Variants in EPB41L1 observed in about 807,000 individuals in gnomAD.
EPB41L1 encodes the protein erythrocyte membrane protein band 4.1 like 1.
EPB41L1 carries 29 observed loss-of-function variants against 97.8 expected under a neutral mutation model. The observed-to-expected ratio is 0.30, with a 90% CI of 0.22 to 0.40. The LOEUF is 0.40. EPB41L1 is among the 10% of genes least tolerant of loss of function. EPB41L1 has a pLI of 1.00. For synonymous variants in EPB41L1, 383 were observed against 459.2 expected (o/e 0.83, Z 2.12); for missense variants, 812 against 1,162.3 (o/e 0.70, Z 4.38).
intron 1 of EPB41L1, among the ~76,000 whole-genome samples, chr20:36,106,936 G>C (rs2058210424): frequency 6.6e-6 from 1 of 152,008 alleles, no homozygotes; most frequent in Non-Finnish European, 1.5e-5. Context: ...TGGAATAGTT[G>C]GGATTACAGG....
At chr20:36,199,677 C>T (rs1164697380) in intron 14 of EPB41L1, among the ~76,000 whole-genome samples, 1 of 152,228 alleles carries the variant, frequency 6.6e-6, no homozygotes, top group East Asian at 1.9e-4. Flanking sequence ...AAGCAAGACC[C>T]TGGGCTGGGT....
At chr20:36,096,983 G>C (rs182238189) in intron 1 of EPB41L1, among the ~76,000 whole-genome samples, 177 of 152,308 alleles carry the variant, frequency 1.2e-3, no homozygotes, top group African/African-American at 4.1e-3. Context: ...CCATCTCCTG[G>C]CTGTAGATTT....
At chr20:36,120,406 A>G (rs1413658765) in intron 2 of EPB41L1, among the ~76,000 whole-genome samples, 1 of 152,242 alleles carries the variant, frequency 6.6e-6, no homozygotes, top group Non-Finnish European at 1.5e-5. Flanking sequence ...CTGAGTGAGC[A>G]AAGAGGGACT....
intron 21 of EPB41L1, among the ~76,000 whole-genome samples, chr20:36,225,734 C>T (rs933188511): frequency 7.2e-5 from 11 of 152,238 alleles, no homozygotes; most frequent in East Asian, 3.9e-4. Context: ...CCCTCTCTCA[C>T]GCCTCCTCAT....
At position 36,188,350 on chromosome 20, in the gene EPB41L1, T is replaced by C; in HGVS notation, c.877T>C (p.Ser293Pro). The C allele has an allele frequency of 1.2e-6, 2 of 1,613,358 alleles. No homozygotes were observed. The highest frequency in any genetic ancestry group is 1.7e-6 in the Non-Finnish European group (2 of 1,179,972). ...TCCATGGTCTCTTCTCATGCAGGAC[T>C]CTGAGGGCATCGACATCATGTTAGG... is the stretch of plus-strand genomic sequence containing the variant. ...YGVDLHHAKD[S>P]EGIDIMLGVC... is the part of the protein sequence containing the mutation. Residue 293 changes from serine (S) to proline (P), a missense_variant, in exon 9 of 22, where the codon TCT (serine) becomes CCT (proline). By Grantham distance (74) the Ser-to-Pro change is moderately conservative. Coordinates refer to ENST00000338074, the MANE Select transcript of EPB41L1 (RefSeq NM_012156.2).
intron 1 of EPB41L1, among the ~76,000 whole-genome samples, chr20:36,161,408 A>C (rs961643678): frequency 6.6e-6 from 1 of 151,944 alleles, no homozygotes; most frequent in African/African-American, 2.4e-5. Flanking sequence ...CTTCATGTGC[A>C]TTATCTGTTT....
intron 1 of EPB41L1, among the ~76,000 whole-genome samples, chr20:36,166,634 C>T (rs2060748640): frequency 6.6e-6 from 1 of 152,198 alleles, no homozygotes; most frequent in Non-Finnish European, 1.5e-5. Flanking sequence ...CACCTGTAAT[C>T]CTAGCACTTT....
At chr20:36,138,449 G>A (rs976267362) in intron 2 of EPB41L1, among the ~76,000 whole-genome samples, 3 of 151,948 alleles carry the variant, frequency 2.0e-5, no homozygotes, top group African/African-American at 7.3e-5. Context: ...TTTTAGTAGA[G>A]ACAGGGTTTC....
chr20:36,138,156 A>C (rs374228203), intron 2 of EPB41L1, among the ~76,000 whole-genome samples: 3 of 152,198 alleles, frequency 2.0e-5, no homozygotes, highest in African/African-American at 7.2e-5. Flanking sequence ...GGCTATGTGA[A>C]TAATGCTGCT....
At chr20:36,225,910 C>T (rs1255644050) in intron 21 of EPB41L1, among the ~76,000 whole-genome samples, 1 of 152,324 alleles carries the variant, frequency 6.6e-6, no homozygotes, top group Non-Finnish European at 1.5e-5. Context: ...CCCTCCTCCT[C>T]GCCTCTCTTT....
In EPB41L1 at chr20:36,212,126, C is replaced by A. The variant is rs1285598795; in HGVS notation, c.2080-146C>A. 1 of 793,302 alleles carries A rather than the reference C, an allele frequency of 1.3e-6. No homozygotes were observed. The highest frequency in any genetic ancestry group is 2.7e-5 in the East Asian group (1 of 37,682). 49.1% of individuals were successfully genotyped at this position (793,302 alleles called of 1,614,324 possible). A position where few individuals can be genotyped will look rare whatever the true frequency, so the allele number is the denominator to read the frequency against. The stretch of plus-strand genomic sequence containing the variant: ...CTGTCTATGATATCACACCACAACT[C>A]TTTTACCCTGTCCAGAGTACCCTTC... On this transcript the variant is annotated intron_variant, in intron 15 of 21. Transcript: ENST00000338074. This position sits in a 1 kb window ranked among gnomAD's most constrained non-coding sequence, Gnocchi z 4.8.
chr20:36,168,396 T>C (rs1196447596), intron 1 of EPB41L1, among the ~76,000 whole-genome samples: 1 of 152,200 alleles, frequency 6.6e-6, no homozygotes, highest in Middle Eastern at 3.2e-3. Context: ...GTTAGAAACA[T>C]CTCTTTTTCC....
intron 2 of EPB41L1, among the ~76,000 whole-genome samples, chr20:36,125,826 C>T (rs1013806485): frequency 3.3e-5 from 5 of 152,090 alleles, no homozygotes; most frequent in South Asian, 2.1e-4. Context: ...GACCAGGAGA[C>T]GGATGGTAGT....
intron 1 of EPB41L1, among the ~76,000 whole-genome samples, chr20:36,172,174 G>A (rs982722921): frequency 2.0e-5 from 3 of 152,070 alleles, no homozygotes; most frequent in Non-Finnish European, 4.4e-5. Flanking sequence ...TGCCTCCTGG[G>A]TTCAAGCGAT....
chr20:36,187,399 C>A (rs1383758485), intron 7 of EPB41L1, among the ~76,000 whole-genome samples: 1 of 152,180 alleles, frequency 6.6e-6, no homozygotes, highest in Non-Finnish European at 1.5e-5. Context: ...AACTCAGTGG[C>A]AGAATGAGGC....
chr20:36,203,790 C>G (rs1208411112), intron 14 of EPB41L1, among the ~76,000 whole-genome samples: 3 of 152,170 alleles, frequency 2.0e-5, no homozygotes, highest in Admixed American at 6.5e-5. Flanking sequence ...ATCTCGCTTT[C>G]CCATGAACAA....
In EPB41L1 at chr20:36,206,084, C is replaced by T. The variant is rs1403733498; in HGVS notation, c.1669-3404C>T. The T allele has an allele frequency of 1.6e-6, 2 of 1,289,886 alleles. No homozygotes were observed. The highest frequency in any genetic ancestry group is 2.0e-6 in the Non-Finnish European group (2 of 988,898). The allele number at this position is 1,289,886 out of a possible 1,614,324, so 79.9% of individuals were successfully genotyped here. A position where few individuals can be genotyped will look rare whatever the true frequency, so the allele number is the denominator to read the frequency against. On this transcript the variant is annotated intron_variant, in intron 14 of 21. Coordinates refer to ENST00000338074, the MANE Select transcript of EPB41L1 (RefSeq NM_012156.2). The surrounding 1 kb of genome is among the most constrained non-coding windows in gnomAD (Gnocchi z 5.5). ...ACCCAGCAACAAGGAAAAATGATTG[C>T]AAGTCCTGAAGACTTTGAGTCAGTG... is the stretch of plus-strand genomic sequence containing the variant.
At chr20:36,142,585 C>T (rs966512163) in intron 2 of EPB41L1, among the ~76,000 whole-genome samples, 1 of 152,308 alleles carries the variant, frequency 6.6e-6, no homozygotes, top group South Asian at 2.1e-4. Flanking sequence ...CTTAATAACC[C>T]GGCAGCGGTA....
intron 6 of EPB41L1, 69 bp downstream of exon 6, chr20:36,182,416 G>A: frequency 6.5e-7 from 1 of 1,541,182 alleles, no homozygotes; most frequent in South Asian, 1.1e-5. Flanking sequence ...CCCTGGCCCT[G>A]GGGACACAGG....
Sources: allele counts gnomAD v4.1 joint callset (sites outside exome capture counted in the v4.1 genomes callset), GRCh38; gene constraint gnomAD v4.1.1; non-coding constraint Gnocchi (gnomAD v3.1); transcripts MANE v1.5; gene names NCBI Gene and HGNC (gene_info 2026-07-23, HGNC 2026-07-21).